The following SMARCA4 variants were observed in gnomAD, a reference collection of about 807,000 sequenced individuals.
SMARCA4 encodes SWI/SNF-related matrix-associated actin-dependent regulator of chromatin subfamily A member 4.
In SMARCA4, 31 loss-of-function variants were observed where a neutral mutation model predicts 193.9. The observed-to-expected ratio is 0.16, with a 90% CI of 0.12 to 0.22. The LOEUF (loss-of-function observed/expected upper bound fraction) is 0.22, where lower values mean the gene tolerates loss of function less well. SMARCA4 is among the 10% of genes least tolerant of loss of function. The pLI, the probability that SMARCA4 is intolerant of heterozygous loss-of-function variation, is 1.00. For synonymous variants in SMARCA4, 942 were observed against 933.1 expected, an observed-to-expected ratio of 1.01 and a Z score of -0.17; for missense variants, 1,148 against 2,296.0, an observed-to-expected ratio of 0.50 and a Z score of 10.22.
intron 7 of SMARCA4, among the ~76,000 whole-genome samples, chr19:10,990,254 A>G (rs1023984679): frequency 1.3e-5 from 2 of 152,026 alleles, no homozygotes; most frequent in Non-Finnish European, 2.9e-5. Flanking sequence ...CTGTGGTTCA[A>G]GTGATTTTCC....
chr19:10,985,103 T>A lies in SMARCA4; in HGVS notation c.223-170T>A, dbSNP rs949308025. The stretch of plus-strand genomic sequence containing the variant: ...TATTTTGTGTACCTGTCTCGAGGCC[T>A]AAGTAGGTGTCAGAACCTTGCCTTG... On this transcript the variant is annotated intron_variant, in intron 2 of 34. Transcript: ENST00000344626. The surrounding 1 kb of genome is among the most constrained non-coding windows in gnomAD (Gnocchi z 4.5). Among the ~76,000 whole-genome samples the A allele has an allele frequency of 6.6e-6, 1 of 152,040 alleles. No homozygotes were observed. Among genetic ancestry groups the A allele is most frequent in the Non-Finnish European group, 1.5e-5 (1 of 68,012 alleles).
In SMARCA4 at chr19:11,025,339, C is replaced by A. The variant is rs549443902; in HGVS notation, c.3082-83C>A. 258 of 878,164 alleles carry A rather than the reference C, an allele frequency of 2.9e-4. 1 individual carries two copies. The African/African-American group carries it at 3.7e-3, about 13-fold the overall frequency. The allele number at this position is 878,164 out of a possible 1,614,324, so 54.4% of individuals were successfully genotyped here. ...CCACTAGAGCGTCCCCATGGCCCTTCTCCCAACACCCACCCATCCACCAAG... is the reference window on the plus strand; with the variant it reads ...CCACTAGAGCGTCCCCATGGCCCTTATCCCAACACCCACCCATCCACCAAG... On this transcript the variant is annotated intron_variant, in intron 21 of 34. Transcript: ENST00000344626.
chr19:11,013,205 G>T (rs1444597974), intron 16 of SMARCA4, 93 bp downstream of exon 16: 10 of 1,414,038 alleles, frequency 7.1e-6, no homozygotes, highest in Non-Finnish European at 9.8e-6. Context: ...CACAAACGAG[G>T]TGGCTTAATT....
intron 29 of SMARCA4, among the ~76,000 whole-genome samples, chr19:11,036,579 A>G (rs2075284101): frequency 6.6e-6 from 1 of 152,204 alleles, no homozygotes; most frequent in African/African-American, 2.4e-5. Context: ...TATTTGAGGC[A>G]GTGAGTACCT....
At chr19:10,979,931 C>G (rs1241389458) in intron 1 of SMARCA4, among the ~76,000 whole-genome samples, 2 of 152,136 alleles carry the variant, frequency 1.3e-5, no homozygotes, top group Non-Finnish European at 2.9e-5. Flanking sequence ...ATCCTGCGAT[C>G]AGGGCATGTA....
At chr19:11,010,961 G>A (rs2088775673) in intron 15 of SMARCA4, 1 of 265,526 alleles carries the variant, frequency 3.8e-6, no homozygotes, top group Non-Finnish European at 7.6e-6. Context: ...GAAACGGCGA[G>A]CGTCAGGAGC....
chr19:10,986,150 A>G lies in SMARCA4; in HGVS notation c.356-39A>G, dbSNP rs372503833. ...AAGAGGCTGTAAAAATCACAGACAT[A>G]TGCTGCCGAGTGACCAGTGGGCTGA... On this transcript the variant is annotated intron_variant, in intron 3 of 34. Coordinates refer to ENST00000344626, the MANE Select transcript of SMARCA4 (RefSeq NM_003072.5). This position sits in a 1 kb window ranked among gnomAD's most constrained non-coding sequence, Gnocchi z 6.7. The G allele has an allele frequency of 8.9e-5, 137 of 1,533,284 alleles. No homozygotes were observed. The African/African-American group carries it at 1.7e-3, about 19-fold the overall frequency. The allele number at this position is 1,533,284 out of a possible 1,614,324, so 95.0% of individuals were successfully genotyped here.
At position 11,010,438 on chromosome 19, in the gene SMARCA4, C is replaced by T. The variant is rs1568466987; in HGVS notation, c.2181C>T (p.Gly727=). The change falls in exon 15 of 35, where the codon GGC becomes GGT. Residue 727 remains glycine, a synonymous_variant. Coordinates refer to ENST00000344626, the MANE Select transcript of SMARCA4 (RefSeq NM_003072.5). ...EYGVSQALAR[G]LQSYYAVAHA... ...GCGTGTCCCAGGCCCTTGCACGTGG[C>T]CTGCAGTCCTACTATGCCGTGGCCC... The T allele has an allele frequency of 1.2e-6, 2 of 1,614,106 alleles. No homozygotes were observed. Among genetic ancestry groups the T allele is most frequent in the Non-Finnish European group, 1.7e-6 (2 of 1,179,982 alleles).
chr19:11,002,939 A>T (rs2146089909), intron 11 of SMARCA4, 90 bp from the exon 12 acceptor site: 1 of 1,457,222 alleles, frequency 6.9e-7, no homozygotes. Context: ...CTGTGCAAAC[A>T]GTTGAGTGGG....
At position 10,986,631 on chromosome 19, in the gene SMARCA4, C is replaced by T. The variant is rs777675114; in HGVS notation, c.760+38C>T. ...GCCCTGGCCCTCAGGTGTCTCAGAG[C>T]GAATGGCTGGGGCGTGGGTGGCGGG... On this transcript the variant is annotated intron_variant, in intron 4 of 34. Coordinates refer to ENST00000344626, the MANE Select transcript of SMARCA4 (RefSeq NM_003072.5). This position sits in a 1 kb window ranked among gnomAD's most constrained non-coding sequence, Gnocchi z 6.7. 1.6e-5 allele frequency: 24 copies of T among 1,534,936 alleles called. No individual in the cohort carries two copies. Among genetic ancestry groups the T allele is most frequent in the African/African-American group, 5.5e-5 (4 of 72,990 alleles).
rs780236304 is a variant in SMARCA4, at chr19:10,987,946, C to A, written c.1118+22C>A. ...ACAGGTGAGGGCGGGGCCCAGTTGC[C>A]AAGGTCACTGCCCTGTGTCCCCCAT... On this transcript the variant is annotated intron_variant, in intron 6 of 34. Coordinates refer to ENST00000344626, the MANE Select transcript of SMARCA4 (RefSeq NM_003072.5). The surrounding 1 kb of genome is among the most constrained non-coding windows in gnomAD (Gnocchi z 5.3). 1.9e-6 allele frequency: 3 copies of A among 1,610,840 alleles called. No individual in the cohort carries two copies. The highest frequency in any genetic ancestry group is 2.7e-5 in the African/African-American group (2 of 74,860).
chr19:10,968,783 C>A (rs2084442179), intron 1 of SMARCA4, among the ~76,000 whole-genome samples: 1 of 152,114 alleles, frequency 6.6e-6, no homozygotes, highest in South Asian at 2.1e-4. Flanking sequence ...CTGTGTGCGA[C>A]CCATCTTGCT....
At chr19:11,003,271 G>A (rs2146104813) in intron 12 of SMARCA4, 69 bp from the exon 13 acceptor site, 1 of 1,603,926 alleles carries the variant, frequency 6.2e-7, no homozygotes, top group Non-Finnish European at 8.5e-7. Context: ...TTCCCGGCAG[G>A]TTTGGTAGGG....
rs1161906825 is a variant in SMARCA4, at chr19:11,057,364, C to T, written c.4425-891C>T. On this transcript the variant is annotated intron_variant, in intron 30 of 34. Transcript: ENST00000344626. ...CAGCATCTCATCACTGCCGCTGTACCGAGTGCACAAGGGCGCTTCCTGTGG... is the reference window on the plus strand; with the variant it reads ...CAGCATCTCATCACTGCCGCTGTACTGAGTGCACAAGGGCGCTTCCTGTGG... Among the ~76,000 whole-genome samples, 4 of 152,190 alleles carry T rather than the reference C, an allele frequency of 2.6e-5. No individual in the cohort carries two copies. In the South Asian group the frequency reaches 6.2e-4, roughly 24 times the overall value.
In SMARCA4 at chr19:11,034,223, G is replaced by A; in HGVS notation, c.3951+23G>A. ...ATGGTAAGCGCTGCAGGCTGGATGG[G>A]GCAGTTCAGGCATCCCACTCTGCTG... On this transcript the variant is annotated intron_variant, in intron 28 of 34. Coordinates refer to ENST00000344626, the MANE Select transcript of SMARCA4 (RefSeq NM_003072.5). This position sits in a 1 kb window ranked among gnomAD's most constrained non-coding sequence, Gnocchi z 7.0. 1 of 1,571,134 alleles carries A rather than the reference G, an allele frequency of 6.4e-7. No individual in the cohort carries two copies. The highest frequency in any genetic ancestry group is 8.8e-7 in the Non-Finnish European group (1 of 1,141,312).
At chr19:11,032,800 A>C (rs995740717) in intron 25 of SMARCA4, 1 of 249,194 alleles carries the variant, frequency 4.0e-6, no homozygotes, top group Non-Finnish European at 8.0e-6. Context: ...GTTGGGCCCC[A>C]TGTAGGCTGA....
intron 11 of SMARCA4, among the ~76,000 whole-genome samples, chr19:11,000,922 C>T (rs1414625784): frequency 6.6e-6 from 1 of 151,770 alleles, no homozygotes; most frequent in African/African-American, 2.4e-5. Flanking sequence ...GTGCTCAGTC[C>T]TGCTGTGGCT....
At chr19:10,974,581 A>C (rs1194251609) in intron 1 of SMARCA4, among the ~76,000 whole-genome samples, 1 of 146,400 alleles carries the variant, frequency 6.8e-6, no homozygotes, top group Non-Finnish European at 1.5e-5. Flanking sequence ...TCCTCATCAC[A>C]TGCCATCAGA....
At chr19:10,991,476 G>A (rs2086558302) in intron 8 of SMARCA4, among the ~76,000 whole-genome samples, 153 bp downstream of exon 8, 1 of 152,230 alleles carries the variant, frequency 6.6e-6, no homozygotes, top group Admixed American at 6.5e-5. Flanking sequence ...TACTGAGAGT[G>A]TATTGGTGTA....
Sources: gnomAD v4.1 joint callset for allele counts (sites outside exome capture counted in the v4.1 genomes callset) on GRCh38, gnomAD v4.1.1 for gene constraint, Gnocchi (gnomAD v3.1) non-coding constraint, MANE v1.5 for transcripts, NCBI Gene and HGNC (gene_info 2026-07-23, HGNC 2026-07-21) for gene names.